Variants in SSBP2 observed in about 807,000 individuals in gnomAD.
SSBP2 encodes the protein single stranded DNA binding protein 2.
A neutral mutation model predicts 61.8 loss-of-function variants in SSBP2; 17 were observed. The ratio of observed to expected loss-of-function variants is 0.28; its 90% CI spans 0.19 to 0.41. The LOEUF (loss-of-function observed/expected upper bound fraction) is 0.41, where lower values mean the gene tolerates loss of function less well. Ranked by LOEUF, SSBP2 falls within the 10% of genes least tolerant of loss-of-function variation. The pLI is 1.00. For synonymous variants in SSBP2, 139 were observed against 141.3 expected, an observed-to-expected ratio of 0.98 and a Z score of 0.12; for missense variants, 310 against 458.7, an observed-to-expected ratio of 0.68 and a Z score of 2.96.
At chr5:81,545,237 T>C (rs1771640484) in intron 4 of SSBP2, among the ~76,000 whole-genome samples, 1 of 152,216 alleles carries the variant, frequency 6.6e-6, no homozygotes. Context: ...AAAAATTGTT[T>C]ATTGCTTATT....
At chr5:81,485,991 T>A (rs901203645) in intron 6 of SSBP2, among the ~76,000 whole-genome samples, 17 of 152,282 alleles carry the variant, frequency 1.1e-4, no homozygotes, top group South Asian at 4.1e-4. Flanking sequence ...AACTCTTTTT[T>A]AAAAAATAGT....
At position 81,740,616 on chromosome 5, in the gene SSBP2, A is replaced by G. The variant is rs571255088; in HGVS notation, c.62+10365T>C. ...CATACGCTGCTTGGAAGAGACAACAAAAGAGACTCATAATTACAGGATCCT... is the reference window on the plus strand; with the variant it reads ...CATACGCTGCTTGGAAGAGACAACAGAAGAGACTCATAATTACAGGATCCT... On this transcript the variant is annotated intron_variant, in intron 1 of 16. Coordinates refer to ENST00000320672, the MANE Select transcript of SSBP2 (RefSeq NM_012446.5). 2.6e-5 allele frequency among the ~76,000 whole-genome samples: 4 copies of G among 152,270 alleles called. No homozygotes were observed. In the South Asian group the frequency reaches 8.3e-4, roughly 32 times the overall value.
chr5:81,751,251 G>T, upstream of SSBP2: 1 of 592,420 alleles, frequency 1.7e-6, no homozygotes, highest in East Asian at 2.9e-5. Context: ...TGGCGGCTAA[G>T]CCTCAGCGGC....
intron 4 of SSBP2, among the ~76,000 whole-genome samples, chr5:81,607,204 A>C (rs531489891): frequency 9.9e-5 from 15 of 152,238 alleles, no homozygotes; most frequent in African/African-American, 3.6e-4. Flanking sequence ...GAATGGCAAA[A>C]ATAGGATAAT....
intron 1 of SSBP2, among the ~76,000 whole-genome samples, chr5:81,676,657 G>A (rs776729569): frequency 1.4e-4 from 21 of 152,144 alleles, no homozygotes; most frequent in Non-Finnish European, 2.8e-4. Flanking sequence ...TTTCTTAACC[G>A]TGAAGCCTTT....
chr5:81,744,741 C>T (rs953231849), intron 1 of SSBP2, among the ~76,000 whole-genome samples: 14 of 151,972 alleles, frequency 9.2e-5, no homozygotes, highest in African/African-American at 3.4e-4. Context: ...CCAGGTCATT[C>T]GTTTACACTC....
At chr5:81,596,147 A>T (rs1365891749) in intron 4 of SSBP2, among the ~76,000 whole-genome samples, 1 of 152,204 alleles carries the variant, frequency 6.6e-6, no homozygotes, top group Admixed American at 6.5e-5. Context: ...AAGTCTCAGG[A>T]TACAAAATCA....
intron 4 of SSBP2, among the ~76,000 whole-genome samples, chr5:81,614,266 AG>A (rs1745767909): frequency 6.7e-6 from 1 of 149,826 alleles, no homozygotes; most frequent in Non-Finnish European, 1.5e-5. Flanking sequence ...AGGCTGAGGC[AG>A]GAGAATGGCG....
At chr5:81,683,286 G>GT (rs1321611692) in intron 1 of SSBP2, among the ~76,000 whole-genome samples, 2 of 152,132 alleles carry the variant, frequency 1.3e-5, no homozygotes, top group African/African-American at 4.8e-5. Flanking sequence ...GAATAGACAA[G>GT]TAGATCAGTG....
chr5:81,502,783 C>T (rs966611629), intron 5 of SSBP2, among the ~76,000 whole-genome samples: 1 of 152,168 alleles, frequency 6.6e-6, no homozygotes, highest in African/African-American at 2.4e-5. Flanking sequence ...TCCAAACTAT[C>T]ATCAAAATCT....
chr5:81,457,638 G>A (rs1019421763), intron 10 of SSBP2, among the ~76,000 whole-genome samples: 23 of 152,154 alleles, frequency 1.5e-4, no homozygotes, highest in African/African-American at 5.5e-4. Context: ...TGTGCCTCCT[G>A]AAATGATGCA....
intron 1 of SSBP2, among the ~76,000 whole-genome samples, chr5:81,680,156 A>T (rs977577015): frequency 6.6e-6 from 1 of 151,750 alleles, no homozygotes; most frequent in Non-Finnish European, 1.5e-5. Flanking sequence ...CATGGTTTTC[A>T]GGCATCTGAG....
intron 4 of SSBP2, among the ~76,000 whole-genome samples, chr5:81,549,961 T>C (rs1772045485): frequency 6.6e-6 from 1 of 152,238 alleles, no homozygotes; most frequent in Non-Finnish European, 1.5e-5. Context: ...CCTGCTTTTC[T>C]AATAGCAGTC....
At chr5:81,701,478 CT>C (rs1753980497) in intron 1 of SSBP2, among the ~76,000 whole-genome samples, 2 of 152,150 alleles carry the variant, frequency 1.3e-5, no homozygotes, top group Admixed American at 1.3e-4. Context: ...CAGACTTGCT[CT>C]ATGCAGGGTG....
chr5:81,490,303 T>C (rs1191653560), intron 5 of SSBP2, among the ~76,000 whole-genome samples: 1 of 152,032 alleles, frequency 6.6e-6, no homozygotes, highest in East Asian at 1.9e-4. Context: ...CATCCAGACT[T>C]AGGCACCAAA....
intron 4 of SSBP2, among the ~76,000 whole-genome samples, chr5:81,574,237 A>AT (rs1774042107): frequency 6.6e-6 from 1 of 152,202 alleles, no homozygotes; most frequent in Admixed American, 6.5e-5. Flanking sequence ...AAAAGGCAGA[A>AT]TAACATTTAA....
At chr5:81,710,782 A>G in intron 1 of SSBP2, 1 of 429,520 alleles carries the variant, frequency 2.3e-6, no homozygotes, top group Non-Finnish European at 4.7e-6. Context: ...AAAAGAAGTG[A>G]GATAATATGT....
intron 10 of SSBP2, among the ~76,000 whole-genome samples, chr5:81,454,562 T>C (rs1764000228): frequency 6.6e-6 from 1 of 151,994 alleles, no homozygotes; most frequent in African/African-American, 2.4e-5. Context: ...GTGCCTGTAA[T>C]CCTAGCTACT....
At chr5:81,554,640 C>T (rs1019847357) in intron 4 of SSBP2, among the ~76,000 whole-genome samples, 16 of 151,818 alleles carry the variant, frequency 1.1e-4, no homozygotes, top group African/African-American at 3.9e-4. Flanking sequence ...AACCACTAGC[C>T]TTTTTGACTT....
Sources: gnomAD v4.1 joint callset for allele counts (sites outside exome capture counted in the v4.1 genomes callset) on GRCh38, gnomAD v4.1.1 for gene constraint, MANE v1.5 for transcripts, NCBI Gene and HGNC (gene_info 2026-07-23, HGNC 2026-07-21) for gene names.